The following IL2RG variants were observed in gnomAD, a reference collection of about 807,000 sequenced individuals.
IL2RG encodes the protein interleukin 2 receptor subunit gamma, also known as cytokine receptor common subunit gamma.
For synonymous variants in IL2RG, 111 were observed against 108.5 expected, an observed-to-expected ratio of 1.02 and a Z score of -0.15; for missense variants, 205 against 272.9, an observed-to-expected ratio of 0.75 and a Z score of 1.75.
At position 71,110,880 on chromosome X, in the gene IL2RG, C is replaced by T. The variant is rs746420476; in HGVS notation, c.269+17G>A. 9.0e-5 allele frequency: 109 copies of T among 1,206,357 alleles called. No homozygotes were observed. The highest frequency in any genetic ancestry group is 2.3e-4 in the Middle Eastern group (1 of 4,350). ...CCCACCTCTTCTTCATCCCCTCCCC[C>T]TCGTCCCTTCTCATACCAATAATGC... On this transcript the variant is annotated intron_variant, in intron 2 of 7. Transcript: ENST00000374202.
At chrX:71,108,562 C>T (rs749692443) in intron 6 of IL2RG, 37 bp downstream of exon 6, 14 of 1,002,417 alleles carry the variant, frequency 1.4e-5, no homozygotes, top group South Asian at 2.0e-5. Context: ...TGTCAGCTAC[C>T]GTTCCCCTCA....
intron 3 of IL2RG, 84 bp downstream of exon 3, chrX:71,110,420 A>G: frequency 4.5e-6 from 5 of 1,111,316 alleles, no homozygotes; most frequent in Non-Finnish European, 6.2e-6. Flanking sequence ...CTGCCCATGT[A>G]CCCTTATGAT....
chrX:71,107,720 G>C lies in IL2RG; in HGVS notation c.*16C>G. On this transcript the variant is annotated 3_prime_UTR_variant, in exon 8 of 8. Coordinates refer to ENST00000374202, the MANE Select transcript of IL2RG (RefSeq NM_000206.3). ...GGCTACAGGACCCTGGGGTTCTTCT[G>C]TCAGAGGATTGGGGTTCAGGTTTCA... 8.9e-7 allele frequency: 1 copy of C among 1,120,173 alleles called. No individual in the cohort carries two copies. Among genetic ancestry groups the C allele is most frequent in the Non-Finnish European group, 1.2e-6 (1 of 848,785 alleles). The allele number at this position is 1,120,173 out of a possible 1,213,427, so 92.3% of individuals were successfully genotyped here. A position where few individuals can be genotyped will look rare whatever the true frequency, so the allele number is the denominator to read the frequency against.
chrX:71,108,831 A>G (rs975502247), intron 5 of IL2RG, 136 bp from the exon 6 acceptor site: 2 of 477,198 alleles, frequency 4.2e-6, no homozygotes, highest in African/African-American at 4.8e-5. Flanking sequence ...GGCAGGAACA[A>G]TTACCTCCAT....
chrX:71,110,876 C>T (rs746589370), intron 2 of IL2RG, 21 bp downstream of exon 2: 15 of 1,205,189 alleles, frequency 1.2e-5, no homozygotes, highest in Non-Finnish European at 1.6e-5. Context: ...TTCATCCCCT[C>T]CCCCTCGTCC....
chrX:71,111,042 G>T lies in IL2RG; in HGVS notation c.124C>A (p.Leu42Met). The T allele has an allele frequency of 8.4e-7, 1 of 1,197,426 alleles. No individual in the cohort carries two copies. ...GNEDTTADFF[L>M]TTMPTDSLSV... Reference sequence around the variant, plus strand: ...AGGGAGTCAGTGGGCATAGTGGTCAGGAAGAAATCTAGATTGGGGAGAAAA... The same window carrying T: ...AGGGAGTCAGTGGGCATAGTGGTCATGAAGAAATCTAGATTGGGGAGAAAA... The change falls in exon 2 of 8, where the codon CTG (leucine) becomes ATG (methionine). Residue 42 changes from leucine (L) to methionine (M), a missense_variant. Leu to Met is a conservative substitution (Grantham distance 15). Coordinates refer to ENST00000374202, the MANE Select transcript of IL2RG (RefSeq NM_000206.3).
At chrX:71,107,991 A>C in intron 7 of IL2RG, 70 bp from the exon 8 acceptor site, 1 of 876,032 alleles carries the variant, frequency 1.1e-6, no homozygotes, top group Non-Finnish European at 1.7e-6. Flanking sequence ...TCTGTGCCAA[A>C]GGAGTACTCA....
At position 71,110,486 on chromosome X, in the gene IL2RG, C is replaced by G. The variant is rs1167326878; in HGVS notation, c.454+18G>C. ...CCCACAGTATCCCTGGTCTCTTGAC[C>G]CTTTCTTTCCAAATTACCCAGATTC... On this transcript the variant is annotated intron_variant, in intron 3 of 7. Transcript: ENST00000374202. 1 of 1,204,113 alleles carries G rather than the reference C, an allele frequency of 8.3e-7. No individual in the cohort carries two copies. Among genetic ancestry groups the G allele is most frequent in the Non-Finnish European group, 1.1e-6 (1 of 888,729 alleles).
rs753927372 is a variant in IL2RG at position 71,108,420 on chromosome X, T to C, written c.855-74A>G. ...TATCACCCTTCTCCCAGTTGTCCCA[T>C]ATGAAATAAAGTGATTCTGTGTTCT... On this transcript the variant is annotated intron_variant, in intron 6 of 7. Transcript: ENST00000374202. 11 of 811,616 alleles carry C rather than the reference T, an allele frequency of 1.4e-5. No individual in the cohort carries two copies. In the South Asian group the frequency reaches 1.9e-4, roughly 14 times the overall value. 66.9% of individuals were successfully genotyped at this position (811,616 alleles called of 1,213,427 possible).
chrX:71,109,550 T>TA (rs2092258703), intron 4 of IL2RG, among the ~76,000 whole-genome samples, 160 bp from the exon 5 acceptor site: 1 of 111,895 alleles, frequency 8.9e-6, no homozygotes, highest in Non-Finnish European at 1.9e-5. Flanking sequence ...GACTTGAATC[T>TA]AATGCCTCCC....
chrX:71,109,136 G>T, intron 5 of IL2RG, 92 bp downstream of exon 5: 1 of 923,043 alleles, frequency 1.1e-6, no homozygotes, highest in Non-Finnish European at 1.6e-6. Context: ...AAGTTTAGGG[G>T]CTTTAGTGAC....
chrX:71,110,719 C>T (rs1484668161), intron 2 of IL2RG, 31 bp from the exon 3 acceptor site: 1 of 1,154,873 alleles, frequency 8.7e-7, no homozygotes, highest in Non-Finnish European at 1.2e-6. Context: ...GGAAGAGGAA[C>T]AGTGGGGCCA....
chrX:71,111,310 A>G (rs2092263502), intron 1 of IL2RG, 115 bp downstream of exon 1: 1 of 1,039,455 alleles, frequency 9.6e-7, no homozygotes, highest in Non-Finnish European at 1.3e-6. Context: ...TTCCCACTCC[A>G]CTTTTCAATT....
chrX:71,109,104 C>CA (rs1255939519), intron 5 of IL2RG, 124 bp downstream of exon 5: 5 of 673,604 alleles, frequency 7.4e-6, no homozygotes, highest in Non-Finnish European at 1.2e-5. Context: ...TGGGGTTAGA[C>CA]AGTGTGGAGA....
chrX:71,110,724 G>A (rs2092261849), intron 2 of IL2RG, 36 bp from the exon 3 acceptor site: 1 of 1,127,686 alleles, frequency 8.9e-7, no homozygotes, highest in African/African-American at 1.8e-5. Context: ...AGGAACAGTG[G>A]GGCCAATCTG....
intron 3 of IL2RG, 28 bp from the exon 4 acceptor site, chrX:71,110,323 T>C: frequency 8.3e-7 from 1 of 1,206,305 alleles, no homozygotes; most frequent in Non-Finnish European, 1.1e-6. Context: ...TATGTGGTCA[T>C]TCCCCTGGCC....
chrX:71,107,727 G>A lies in IL2RG; in HGVS notation c.*9C>T, dbSNP rs749941565. On this transcript the variant is annotated 3_prime_UTR_variant, in exon 8 of 8. Transcript: ENST00000374202. ...GGACCCTGGGGTTCTTCTGTCAGAG[G>A]ATTGGGGTTCAGGTTTCAGGCTTTA... The A allele has an allele frequency of 8.9e-7, 1 of 1,127,480 alleles. No homozygotes were observed. Among genetic ancestry groups the A allele is most frequent in the South Asian group, 2.3e-5 (1 of 44,306 alleles). The allele number at this position is 1,127,480 out of a possible 1,213,427, so 92.9% of individuals were successfully genotyped here.
intron 4 of IL2RG, among the ~76,000 whole-genome samples, chrX:71,109,799 G>A (rs2092259196): frequency 9.2e-6 from 1 of 109,107 alleles, no homozygotes; most frequent in Non-Finnish European, 1.9e-5. Flanking sequence ...GCCAGGCATG[G>A]TTGTGCATGC....
At chrX:71,108,394 T>G (rs1255036744) in intron 6 of IL2RG, 48 bp from the exon 7 acceptor site, 1 of 901,790 alleles carries the variant, frequency 1.1e-6, no homozygotes, top group Non-Finnish European at 1.6e-6. Flanking sequence ...TAAAGCTTTT[T>G]TATCACCCTT....
Sources: gnomAD v4.1 joint callset for allele counts (sites outside exome capture counted in the v4.1 genomes callset) on GRCh38, gnomAD v4.1.1 for gene constraint, MANE v1.5 for transcripts, NCBI Gene and HGNC (gene_info 2026-07-23, HGNC 2026-07-21) for gene names.